ANKRD27: variants seen among roughly 807,000 people sequenced by gnomAD.
ANKRD27 encodes ankyrin repeat domain 27.
In ANKRD27, 112 loss-of-function variants were observed where a neutral mutation model predicts 129.7. That is an observed-to-expected ratio of 0.86 (90% confidence interval 0.74 to 1.01). The LOEUF is 1.01. ANKRD27 is among the 50% of genes least tolerant of loss of function. The pLI is 0.00. For missense variants in ANKRD27, 1,258 were observed against 1,300.5 expected (o/e 0.97, Z 0.50); for synonymous variants, 516 against 511.2 (o/e 1.01, Z -0.13).
At chr19:32,608,169 AATT>A (rs1460155610) in intron 22 of ANKRD27, among the ~76,000 whole-genome samples, 3 of 99,792 alleles carry the variant, frequency 3.0e-5, no homozygotes, top group African/African-American at 1.2e-4. Flanking sequence ...GTGCCCAGCT[AATT>A]TTTTTTTTTT....
rs538418768 is a variant in ANKRD27, at chr19:32,658,631, G to T, written c.102+283C>A. Among the ~76,000 whole-genome samples the T allele has an allele frequency of 2.0e-5, 3 of 152,168 alleles. No homozygotes were observed. In the South Asian group the frequency reaches 6.2e-4, roughly 32 times the overall value. ...AAGAGAGAAACGAGAGCACCGCAGCGTGAGACCAAGTGTCACTGGGGGTGC... is the reference window on the plus strand; with the variant it reads ...AAGAGAGAAACGAGAGCACCGCAGCTTGAGACCAAGTGTCACTGGGGGTGC... On this transcript the variant is annotated intron_variant, in intron 2 of 28. Coordinates refer to ENST00000306065, the MANE Select transcript of ANKRD27 (RefSeq NM_032139.3).
chr19:32,611,333 T>C (rs1379388573), intron 22 of ANKRD27, among the ~76,000 whole-genome samples: 1 of 152,158 alleles, frequency 6.6e-6, no homozygotes, highest in African/African-American at 2.4e-5. Flanking sequence ...TTTCTTATCC[T>C]GTGTTTTCAT....
At chr19:32,667,665 C>G (rs1264002718) in intron 1 of ANKRD27, among the ~76,000 whole-genome samples, 1 of 152,110 alleles carries the variant, frequency 6.6e-6, no homozygotes, top group Non-Finnish European at 1.5e-5. Flanking sequence ...AACCCCATCT[C>G]TATTAAAAAT....
chr19:32,671,771 T>G (rs910765878), intron 1 of ANKRD27, among the ~76,000 whole-genome samples: 1 of 152,258 alleles, frequency 6.6e-6, no homozygotes, highest in African/African-American at 2.4e-5. Flanking sequence ...CTTGTAAAAC[T>G]GGAAAGATAA....
intron 2 of ANKRD27, among the ~76,000 whole-genome samples, chr19:32,650,169 G>A (rs898682838): frequency 6.6e-6 from 1 of 152,146 alleles, no homozygotes; most frequent in Non-Finnish European, 1.5e-5. Flanking sequence ...AAGGACCCAG[G>A]GGCTCAGGGA....
Position 32,642,914 on chromosome 19 carries a change from C to A in ANKRD27, c.782+209G>T, listed in dbSNP as rs1033554277. On this transcript the variant is annotated intron_variant, in intron 9 of 28. Transcript: ENST00000306065. ...TGCCCAGCGGCTCCCATCCAGCTGG[C>A]GTGCTGGTGCAGTGTGGGAGGGGGA... The A allele has an allele frequency of 1.2e-5, 7 of 598,376 alleles. No individual in the cohort carries two copies. The East Asian group carries it at 1.4e-4, about 12-fold the overall frequency. 37.1% of individuals were successfully genotyped at this position (598,376 alleles called of 1,614,324 possible).
intron 12 of ANKRD27, among the ~76,000 whole-genome samples, chr19:32,631,698 T>C (rs1599752939): frequency 1.3e-5 from 2 of 152,322 alleles, no homozygotes; most frequent in African/African-American, 4.8e-5. Context: ...CTTTGACGGT[T>C]GCTCCCTGTG....
chr19:32,609,945 G>A (rs2145264209), intron 22 of ANKRD27, among the ~76,000 whole-genome samples: 1 of 152,258 alleles, frequency 6.6e-6, no homozygotes, highest in Non-Finnish European at 1.5e-5. Flanking sequence ...GGAGGCTGAG[G>A]CAGGAGGATC....
rs140660573 is a variant in ANKRD27 at position 32,618,898 on chromosome 19, G to A, written c.2007+362C>T. On this transcript the variant is annotated intron_variant, in intron 20 of 28. Coordinates refer to ENST00000306065, the MANE Select transcript of ANKRD27 (RefSeq NM_032139.3). Reference sequence around the variant, plus strand: ...TGCACTCCAGCCTGGGCAACAGAGCGAGACTCTTATCTCAAAAAATAAAAA... The same window carrying A: ...TGCACTCCAGCCTGGGCAACAGAGCAAGACTCTTATCTCAAAAAATAAAAA... 8.0e-3 allele frequency among the ~76,000 whole-genome samples: 1,217 copies of A among 152,252 alleles called. 16 individuals carry two copies. The highest frequency in any genetic ancestry group is 0.027 in the African/African-American group (1,135 of 41,536).
rs199608650 is a variant in ANKRD27, at chr19:32,619,501, G to A, written c.1880C>T (p.Ser627Leu). 222 of 1,614,104 alleles carry A rather than the reference G, an allele frequency of 1.4e-4. No homozygotes were observed. The highest frequency in any genetic ancestry group is 1.8e-4 in the Non-Finnish European group (212 of 1,180,032). The change falls in exon 19 of 29, where the codon TCG (serine) becomes TTG (leucine). Residue 627 changes from serine to leucine, a missense_variant. Physicochemically the swap from Ser to Leu is moderately radical, Grantham distance 145. Transcript: ENST00000306065. ...YHLSFERRQK[S>L]SEAPVQSPQR... Reference sequence around the variant, plus strand: ...TCAGCCCGGCTGACTTACCTCGGACGACTTCTGCCTCCTCTCGAAGGACAG... The same window carrying A: ...TCAGCCCGGCTGACTTACCTCGGACAACTTCTGCCTCCTCTCGAAGGACAG...
intron 2 of ANKRD27, among the ~76,000 whole-genome samples, chr19:32,654,467 G>A (rs1431591970): frequency 2.0e-5 from 3 of 152,194 alleles, no homozygotes; most frequent in South Asian, 2.1e-4. Context: ...GGAGACCATC[G>A]AGATATTCGA....
chr19:32,616,849 A>G (rs1476079343), intron 21 of ANKRD27, among the ~76,000 whole-genome samples: 1 of 152,078 alleles, frequency 6.6e-6, no homozygotes, highest in African/African-American at 2.4e-5. Context: ...CTTCTGCAGA[A>G]CCTCACAAAC....
At chr19:32,653,204 C>T (rs1035658622) in intron 2 of ANKRD27, among the ~76,000 whole-genome samples, 2 of 152,084 alleles carry the variant, frequency 1.3e-5, no homozygotes, top group African/African-American at 4.8e-5. Flanking sequence ...AGCATCTATA[C>T]TAAATAAATT....
At chr19:32,674,389 A>T (rs932825269) in intron 1 of ANKRD27, among the ~76,000 whole-genome samples, 2 of 152,198 alleles carry the variant, frequency 1.3e-5, no homozygotes, top group African/African-American at 4.8e-5. Flanking sequence ...TCCCTCGCCC[A>T]GCACAGGCCG....
At chr19:32,609,591 G>A (rs565182100) in intron 22 of ANKRD27, among the ~76,000 whole-genome samples, 7 of 148,404 alleles carry the variant, frequency 4.7e-5, no homozygotes, top group South Asian at 2.2e-4. Context: ...AAAGATTCTC[G>A]AAAGTGTTAA....
chr19:32,670,050 G>T (rs1277987806), intron 1 of ANKRD27, among the ~76,000 whole-genome samples: 1 of 151,298 alleles, frequency 6.6e-6, no homozygotes, highest in Non-Finnish European at 1.5e-5. Flanking sequence ...GGATGAACTA[G>T]AGGATGGGAA....
intron 26 of ANKRD27, 88 bp downstream of exon 26, chr19:32,601,927 C>T (rs1971659233): frequency 1.2e-6 from 1 of 803,006 alleles, no homozygotes; most frequent in Non-Finnish European, 2.1e-6. Flanking sequence ...TTACACTTTA[C>T]ATATACAATT....
At chr19:32,610,702 G>A (rs576999681) in intron 22 of ANKRD27, among the ~76,000 whole-genome samples, 7 of 152,272 alleles carry the variant, frequency 4.6e-5, no homozygotes, top group African/African-American at 1.4e-4. Flanking sequence ...TGAGGCAGAA[G>A]AATGTCTTGA....
At chr19:32,604,804 T>A (rs577145238) in intron 24 of ANKRD27, among the ~76,000 whole-genome samples, 3 of 152,190 alleles carry the variant, frequency 2.0e-5, no homozygotes, top group Non-Finnish European at 4.4e-5. Flanking sequence ...ATGCCTATAA[T>A]CCCAGCACTT....
Sources: gnomAD v4.1 joint callset for allele counts (sites outside exome capture counted in the v4.1 genomes callset) on GRCh38, gnomAD v4.1.1 for gene constraint, MANE v1.5 for transcripts, NCBI Gene and HGNC (gene_info 2026-07-23, HGNC 2026-07-21) for gene names.